The following CTBP1 variants were observed in gnomAD, a reference collection of about 807,000 sequenced individuals.
CTBP1 encodes the protein C-terminal binding protein 1, also known as C-terminal-binding protein 1.
CTBP1 carries 11 observed loss-of-function variants against 42.1 expected under a neutral mutation model. The ratio of observed to expected loss-of-function variants is 0.26; its 90% CI spans 0.16 to 0.43. CTBP1 has a LOEUF of 0.43. CTBP1 is among the 20% of genes least tolerant of loss of function. The probability of loss-of-function intolerance (pLI) is 1.00; values close to 1 mark genes in which losing one functional copy is unlikely to be tolerated. For missense variants in CTBP1, 399 were observed against 624.3 expected (o/e 0.64, Z 3.85); for synonymous variants, 324 against 277.1 (o/e 1.17, Z -1.68).
At chr4:1,244,953 A>T (rs1732563952) in intron 1 of CTBP1, 2 of 985,256 alleles carry the variant, frequency 2.0e-6, no homozygotes, top group Non-Finnish European at 1.2e-6. Context: ...GCCCAGAGAA[A>T]ACTGAGGCCC....
At chr4:1,246,295 C>T (rs544395026) in intron 1 of CTBP1, among the ~76,000 whole-genome samples, 2 of 152,256 alleles carry the variant, frequency 1.3e-5, no homozygotes, top group Admixed American at 6.5e-5. Flanking sequence ...CTCCGACCAG[C>T]GTTCCCTTGG....
chr4:1,224,122 T>C (rs1415777506), intron 5 of CTBP1, among the ~76,000 whole-genome samples: 1 of 152,250 alleles, frequency 6.6e-6, no homozygotes, highest in Non-Finnish European at 1.5e-5. Flanking sequence ...GAGCACATGC[T>C]AGACCGTGGT....
intron 3 of CTBP1, among the ~76,000 whole-genome samples, chr4:1,229,308 C>T (rs564278292): frequency 2.6e-5 from 4 of 152,360 alleles, no homozygotes; most frequent in African/African-American, 9.6e-5. Context: ...CACATCCACC[C>T]GCACACGTCC....
intron 3 of CTBP1, among the ~76,000 whole-genome samples, chr4:1,230,574 C>T (rs1227318363): frequency 6.6e-6 from 1 of 152,156 alleles, no homozygotes; most frequent in Non-Finnish European, 1.5e-5. Flanking sequence ...GCCACTTCCA[C>T]AGTGTGTGTG....
At chr4:1,246,993 C>T (rs1732786714) in intron 1 of CTBP1, among the ~76,000 whole-genome samples, 2 of 152,220 alleles carry the variant, frequency 1.3e-5, no homozygotes, top group South Asian at 2.1e-4. Context: ...GCCGGCTCTG[C>T]GCCAAGCCCA....
intron 1 of CTBP1, among the ~76,000 whole-genome samples, chr4:1,246,546 G>A (rs1732741143): frequency 6.6e-6 from 1 of 152,194 alleles, no homozygotes; most frequent in Non-Finnish European, 1.5e-5. Context: ...GGCACAGCCG[G>A]GCACAAAGTG....
At chr4:1,214,925 G>A (rs1417302380) in intron 6 of CTBP1, among the ~76,000 whole-genome samples, 2 of 152,282 alleles carry the variant, frequency 1.3e-5, no homozygotes, top group African/African-American at 2.4e-5. Flanking sequence ...GCCTGCAGCA[G>A]AGCCTCCGTC....
At chr4:1,248,491 C>T (rs1265065119) in intron 1 of CTBP1, among the ~76,000 whole-genome samples, 3 of 150,776 alleles carry the variant, frequency 2.0e-5, no homozygotes, top group South Asian at 2.1e-4. Context: ...CTGCGCACGG[C>T]TCCCGCCCCA....
At chr4:1,243,187 G>C (rs1577078501) in intron 1 of CTBP1, 1 of 985,450 alleles carries the variant, frequency 1.0e-6, no homozygotes. Context: ...GCTCCTGGAG[G>C]ATCATCGATA....
chr4:1,221,920 C>T (rs1446890783), intron 5 of CTBP1: 7 of 373,724 alleles, frequency 1.9e-5, no homozygotes, highest in African/African-American at 6.3e-5. Flanking sequence ...ATGTAAGTCA[C>T]GGGCACCAGA....
chr4:1,247,006 G>A (rs1732787724), intron 1 of CTBP1, among the ~76,000 whole-genome samples: 3 of 152,192 alleles, frequency 2.0e-5, no homozygotes, highest in African/African-American at 7.2e-5. Flanking sequence ...CAAGCCCACA[G>A]GACTGGACCA....
intron 1 of CTBP1, chr4:1,244,080 G>C (rs1021369739): frequency 1.0e-6 from 1 of 985,316 alleles, no homozygotes; most frequent in Non-Finnish European, 1.2e-6. Flanking sequence ...GTTCTCTGGA[G>C]GCATCAAGTC....
intron 3 of CTBP1, chr4:1,237,597 G>A: frequency 1.5e-6 from 1 of 672,742 alleles, no homozygotes; most frequent in Non-Finnish European, 2.7e-6. Context: ...TGGGGCTCAG[G>A]GAAAACCCGG....
chr4:1,226,549 C>T (rs1730367955), intron 4 of CTBP1, among the ~76,000 whole-genome samples: 1 of 149,222 alleles, frequency 6.7e-6, no homozygotes, highest in Non-Finnish European at 1.5e-5. Context: ...GAGAGCCAAG[C>T]CAGGCGCCAC....
upstream of CTBP1, chr4:1,249,739 G>T: frequency 5.4e-6 from 2 of 368,558 alleles, no homozygotes; most frequent in South Asian, 1.8e-5. Flanking sequence ...ACTCCTGGAG[G>T]GACCGCGTCC....
At chr4:1,248,732 A>G (rs1027987321) in intron 1 of CTBP1, 184 bp downstream of exon 1, 2 of 977,880 alleles carry the variant, frequency 2.0e-6, no homozygotes, top group Non-Finnish European at 2.4e-6. Flanking sequence ...CATGCGCAAG[A>G]CCCTTCCCGC....
At chr4:1,224,054 T>G (rs999702771) in intron 5 of CTBP1, among the ~76,000 whole-genome samples, 3 of 151,782 alleles carry the variant, frequency 2.0e-5, no homozygotes, top group Admixed American at 6.6e-5. Flanking sequence ...AGCCCACGGC[T>G]GCCCGAACCC....
chr4:1,219,780 G>C (rs1228020102), intron 5 of CTBP1, among the ~76,000 whole-genome samples: 1 of 152,168 alleles, frequency 6.6e-6, no homozygotes, highest in African/African-American at 2.4e-5. Context: ...CTCCGGCCTC[G>C]GCCTCATAAC....
chr4:1,225,633 G>A (rs1207719905), intron 4 of CTBP1, 67 bp from the exon 5 acceptor site: 11 of 1,444,516 alleles, frequency 7.6e-6, no homozygotes, highest in African/African-American at 5.6e-5. Context: ...CACCGGGGCC[G>A]CCGTGACTGG....
Sources: allele counts gnomAD v4.1 joint callset (sites outside exome capture counted in the v4.1 genomes callset), GRCh38; gene constraint gnomAD v4.1.1; transcripts MANE v1.5; gene names NCBI Gene and HGNC (gene_info 2026-07-23, HGNC 2026-07-21).